CCDC13: variants seen among roughly 807,000 people sequenced by gnomAD.
CCDC13 encodes coiled-coil domain containing 13.
A neutral mutation model predicts 87.3 loss-of-function variants in CCDC13; 70 were observed. That is an observed-to-expected ratio of 0.80 (90% CI 0.66 to 0.98). The LOEUF is 0.98. Among genes scored for constraint, CCDC13 ranks in the 50% least tolerant of loss-of-function variants. The probability of loss-of-function intolerance (pLI) is 0.00; values close to 1 mark genes in which losing one functional copy is unlikely to be tolerated. For synonymous variants in CCDC13, 317 were observed against 360.3 expected, an observed-to-expected ratio of 0.88 and a Z score of 1.36; for missense variants, 842 against 892.0, an observed-to-expected ratio of 0.94 and a Z score of 0.71.
At chr3:42,730,727 C>A in intron 12 of CCDC13, 138 bp from the exon 13 acceptor site, 1 of 1,151,754 alleles carries the variant, frequency 8.7e-7, no homozygotes, top group Admixed American at 2.4e-5. Context: ...CCCAGTCCCT[C>A]TAGGTCCTCC....
At chr3:42,738,304 G>A (rs546087157) in intron 9 of CCDC13, among the ~76,000 whole-genome samples, 152 of 152,286 alleles carry the variant, frequency 1.0e-3, no homozygotes, top group African/African-American at 3.7e-3. Flanking sequence ...TGCTGTTTTG[G>A]TTACTGTAGC....
intron 1 of CCDC13, among the ~76,000 whole-genome samples, chr3:42,765,523 A>G (rs1028356068): frequency 2.0e-5 from 3 of 152,200 alleles, no homozygotes; most frequent in African/African-American, 7.2e-5. Context: ...CTCCTGCCTC[A>G]GCCTCCCGAG....
chr3:42,747,006 C>T, intron 6 of CCDC13: 1 of 592,266 alleles, frequency 1.7e-6, no homozygotes, highest in Non-Finnish European at 3.1e-6. Flanking sequence ...GCTGGGCAGG[C>T]ACCACAAGGG....
intron 9 of CCDC13, 131 bp downstream of exon 9, chr3:42,739,503 G>T: frequency 9.9e-7 from 1 of 1,012,514 alleles, no homozygotes; most frequent in Non-Finnish European, 1.4e-6. Flanking sequence ...GGGGCCATCT[G>T]GAGGCAACGG....
rs576610705 is a variant in CCDC13 at position 42,730,405 on chromosome 3, C to A, written c.1718+62G>T. The A allele has an allele frequency of 3.4e-5, 54 of 1,582,522 alleles. No homozygotes were observed. In the African/African-American group the frequency reaches 6.0e-4, roughly 18 times the overall value. Reference sequence around the variant, plus strand: ...GAGGAGGACCCAGTCATAAATGAGGCCTGGCCCCAGTCCCCACCACATGCA... The same window carrying A: ...GAGGAGGACCCAGTCATAAATGAGGACTGGCCCCAGTCCCCACCACATGCA... On this transcript the variant is annotated intron_variant, in intron 13 of 15. Transcript: ENST00000310232.
chr3:42,732,840 C>A (rs751437870), intron 12 of CCDC13, 47 bp downstream of exon 12: 14 of 1,502,584 alleles, frequency 9.3e-6, no homozygotes, highest in African/African-American at 1.4e-5. Context: ...GTTGAGCAAT[C>A]AAGAATGGGA....
chr3:42,739,698 T>C lies in CCDC13; in HGVS notation c.1100A>G (p.Lys367Arg). 6.2e-7 allele frequency: 1 copy of C among 1,614,220 alleles called. No homozygotes were observed. Among genetic ancestry groups the C allele is most frequent in the Non-Finnish European group, 8.5e-7 (1 of 1,180,028 alleles). Reference sequence around the variant, plus strand: ...CTCCACCAGGGTTCCCATCTGACTCTTGAGGGTCTTCATCTCACTTGACAG... The same window carrying C: ...CTCCACCAGGGTTCCCATCTGACTCCTGAGGGTCTTCATCTCACTTGACAG... Reference protein sequence around the residue: ...KLLSSEMKTLKSQMGTLVEKG... With the variant: ...KLLSSEMKTLRSQMGTLVEKG... Residue 367 changes from lysine to arginine, a missense_variant, in exon 9 of 16, where the codon AAG becomes AGG. Physicochemically the swap from Lys to Arg is conservative, Grantham distance 26. Transcript: ENST00000310232.
At chr3:42,721,967 A>G (rs767182071) in intron 13 of CCDC13, among the ~76,000 whole-genome samples, 1 of 152,200 alleles carries the variant, frequency 6.6e-6, no homozygotes, top group Non-Finnish European at 1.5e-5. Flanking sequence ...TAGCAACCCC[A>G]TATCAGCTTG....
At chr3:42,721,284 A>C (rs1207354291) in intron 13 of CCDC13, among the ~76,000 whole-genome samples, 1 of 152,190 alleles carries the variant, frequency 6.6e-6, no homozygotes, top group Admixed American at 6.5e-5. Flanking sequence ...TCCTGTTTTA[A>C]TCCTCTTTAG....
intron 13 of CCDC13, among the ~76,000 whole-genome samples, chr3:42,728,286 G>A (rs1028577389): frequency 1.3e-5 from 2 of 152,124 alleles, no homozygotes; most frequent in African/African-American, 2.4e-5. Context: ...TGGGATGCTG[G>A]GATGAGCACA....
At chr3:42,728,509 A>C (rs1417338444) in intron 13 of CCDC13, among the ~76,000 whole-genome samples, 2 of 152,184 alleles carry the variant, frequency 1.3e-5, no homozygotes, top group African/African-American at 2.4e-5. Flanking sequence ...ACATTAGTTA[A>C]AACGTTTAGT....
intron 12 of CCDC13, among the ~76,000 whole-genome samples, chr3:42,732,148 G>C (rs1698852151): frequency 6.6e-6 from 1 of 152,218 alleles, no homozygotes; most frequent in South Asian, 2.1e-4. Flanking sequence ...CTCTCCCCAA[G>C]TGCCTTTATG....
chr3:42,752,580 G>A lies in CCDC13; in HGVS notation c.508C>T (p.Arg170Trp), dbSNP rs141800459. ...QLTNRIQELE[R>W]ELQTALTRLS... The stretch of plus-strand genomic sequence containing the variant: ...GAATGACCAAGGCCCCTCACTTCCC[G>A]CTCCAGCTCCTGGATGCGATTGGTC... The change falls in exon 4 of 16, where the codon CGG (arginine) becomes TGG (tryptophan). Residue 170 changes from arginine (R) to tryptophan (W), a missense_variant. Arg to Trp is a moderately radical substitution (Grantham distance 101). Coordinates refer to ENST00000310232, the MANE Select transcript of CCDC13 (RefSeq NM_144719.4). 11 of 1,614,010 alleles carry A rather than the reference G, an allele frequency of 6.8e-6. No homozygotes were observed. Among genetic ancestry groups the A allele is most frequent in the African/African-American group, 6.7e-5 (5 of 74,920 alleles).
rs1699615138 is a variant in CCDC13 at position 42,752,673 on chromosome 3, C to T, written c.415G>A (p.Glu139Lys). 3.1e-6 allele frequency: 5 copies of T among 1,614,162 alleles called. No homozygotes were observed. The highest frequency in any genetic ancestry group is 4.2e-6 in the Non-Finnish European group (5 of 1,180,044). The change falls in exon 4 of 16, where the codon GAG becomes AAG. Residue 139 changes from glutamate to lysine, a missense_variant. Physicochemically the swap from Glu to Lys is moderately conservative, Grantham distance 56 (BLOSUM62 1). Transcript: ENST00000310232. ...AGDVVATKIVELSKKNRLLMA... is the reference protein window; with the variant it reads ...AGDVVATKIVKLSKKNRLLMA... ...AACAGCCGGTTCTTTTTTGATAGCT[C>T]CACAATTTTGGTGGCGACCACGTCT...
At chr3:42,758,666 C>T (rs1699764494) in intron 1 of CCDC13, among the ~76,000 whole-genome samples, 1 of 152,212 alleles carries the variant, frequency 6.6e-6, no homozygotes, top group South Asian at 2.1e-4. Flanking sequence ...ACATTGAAAT[C>T]CCCTAGGAAC....
At chr3:42,746,096 A>G in intron 6 of CCDC13, 69 bp from the exon 7 acceptor site, 1 of 1,107,038 alleles carries the variant, frequency 9.0e-7, no homozygotes, top group Non-Finnish European at 1.4e-6. Context: ...GCTGCTACGT[A>G]TTTAGAAGCA....
chr3:42,749,483 AG>A (rs1699515634), intron 5 of CCDC13, among the ~76,000 whole-genome samples: 1 of 152,240 alleles, frequency 6.6e-6, no homozygotes, highest in Non-Finnish European at 1.5e-5. Context: ...GAGGGTTGCT[AG>A]GACAACGCAT....
At chr3:42,746,573 A>G (rs1559653805) in intron 6 of CCDC13, 1 of 163,544 alleles carries the variant, frequency 6.1e-6, no homozygotes, top group Non-Finnish European at 1.3e-5. Context: ...AGGCAGAAAC[A>G]ATACGCTCCA....
At chr3:42,748,840 C>T (rs756543960) in intron 5 of CCDC13, among the ~76,000 whole-genome samples, 1 of 152,156 alleles carries the variant, frequency 6.6e-6, no homozygotes, top group Admixed American at 6.5e-5. Flanking sequence ...CTGCAACCTC[C>T]GCCCCCCCGG....
Sources: allele counts gnomAD v4.1 joint callset (sites outside exome capture counted in the v4.1 genomes callset), GRCh38; gene constraint gnomAD v4.1.1; transcripts MANE v1.5; gene names NCBI Gene and HGNC (gene_info 2026-07-23, HGNC 2026-07-21).